The following DCHS2 variants were observed in gnomAD, a reference collection of about 807,000 sequenced individuals.
DCHS2 encodes the protein protocadherin-23.
A neutral mutation model predicts 182.4 loss-of-function variants in DCHS2; 142 were observed. The observed-to-expected ratio is 0.78, with a 90% CI of 0.68 to 0.89. DCHS2 has a LOEUF of 0.89. DCHS2 is among the 40% of genes least tolerant of loss of function. DCHS2 has a pLI of 0.00. For missense variants in DCHS2, 4,319 were observed against 4,198.6 expected, an observed-to-expected ratio of 1.03 and a Z score of -0.79; for synonymous variants, 1,740 against 1,663.3, an observed-to-expected ratio of 1.05 and a Z score of -1.12.
chr4:154,475,466 C>CT (rs553833658), intron 1 of DCHS2, among the ~76,000 whole-genome samples: 18 of 151,176 alleles, frequency 1.2e-4, no homozygotes, highest in Non-Finnish European at 1.5e-4. Flanking sequence ...ATTAGCCAGA[C>CT]TTTTTTTTTG....
chr4:154,491,602 C>T lies in DCHS2; in HGVS notation c.-247G>A, dbSNP rs1042313028. The T allele has an allele frequency of 1.0e-5, 14 of 1,336,148 alleles. No individual in the cohort carries two copies. The highest frequency in any genetic ancestry group is 1.3e-5 in the Non-Finnish European group (14 of 1,050,632). 82.8% of individuals were successfully genotyped at this position (1,336,148 alleles called of 1,614,324 possible). ...GCCGCGGCAGCCACCTCTTCTGCCC[C>T]TGGATTTCTTTAAACGAATCTCATC... is the stretch of plus-strand genomic sequence containing the variant. On this transcript the variant is annotated 5_prime_UTR_variant, in exon 1 of 20. Coordinates refer to ENST00000357232, the MANE Select transcript of DCHS2 (RefSeq NM_001358235.2).
At chr4:154,399,103 T>C (rs1442241802) in intron 1 of DCHS2, among the ~76,000 whole-genome samples, 3 of 152,224 alleles carry the variant, frequency 2.0e-5, no homozygotes, top group Non-Finnish European at 2.9e-5. Flanking sequence ...AATTTCATGA[T>C]ATCTGTCTTC....
At position 154,304,768 on chromosome 4, in the gene DCHS2, T is replaced by C; in HGVS notation, c.5506A>G (p.Ile1836Val). ...APEFIVSSYD[I>V]EVLENQEPEV... The stretch of plus-strand genomic sequence containing the variant: ...GGTTCCTGGTTTTCCAGAACCTCAA[T>C]GTCATAACTGGAAACAATAAACTCT... Residue 1836 changes from isoleucine (I) to valine (V), a missense_variant, in exon 12 of 20, where the codon ATT becomes GTT. Physicochemically the swap from Ile to Val is conservative, Grantham distance 29 (BLOSUM62 3). Coordinates refer to ENST00000357232, the MANE Select transcript of DCHS2 (RefSeq NM_001358235.2). 1 of 1,614,064 alleles carries C rather than the reference T, an allele frequency of 6.2e-7. No individual in the cohort carries two copies. Among genetic ancestry groups the C allele is most frequent in the Admixed American group, 1.7e-5 (1 of 60,012 alleles).
intron 1 of DCHS2, among the ~76,000 whole-genome samples, chr4:154,487,751 AC>A (rs1728639937): frequency 6.6e-6 from 1 of 152,200 alleles, no homozygotes; most frequent in African/African-American, 2.4e-5. Flanking sequence ...TCTTAAAACA[AC>A]CCAGGCTGAG....
intron 1 of DCHS2, among the ~76,000 whole-genome samples, chr4:154,414,252 TAGA>T (rs1732744470): frequency 6.6e-6 from 1 of 151,834 alleles, no homozygotes; most frequent in African/African-American, 2.4e-5. Flanking sequence ...TCTTTATGTT[TAGA>T]AGAAGATTCG....
chr4:154,474,369 C>A (rs1735600440), intron 1 of DCHS2, among the ~76,000 whole-genome samples: 1 of 152,200 alleles, frequency 6.6e-6, no homozygotes, highest in Non-Finnish European at 1.5e-5. Flanking sequence ...CTCCATCAGG[C>A]AGTGTGGTGT....
At chr4:154,335,254 A>G (rs1337907948) in intron 3 of DCHS2, 150 bp from the exon 4 acceptor site, 4 of 636,702 alleles carry the variant, frequency 6.3e-6, no homozygotes, top group Non-Finnish European at 1.1e-5. Context: ...ATCAAACATT[A>G]TTTTGAGTGT....
At chr4:154,240,453 A>C in intron 18 of DCHS2, 84 bp downstream of exon 18, 1 of 1,476,454 alleles carries the variant, frequency 6.8e-7, no homozygotes, top group South Asian at 1.4e-5. Flanking sequence ...TATCTGAATT[A>C]GTCTATCGGC....
intron 1 of DCHS2, among the ~76,000 whole-genome samples, chr4:154,386,428 A>C (rs1191063752): frequency 6.6e-6 from 1 of 152,004 alleles, no homozygotes; most frequent in East Asian, 1.9e-4. Flanking sequence ...CTCTTTGTAC[A>C]CCTAATCACA....
intron 1 of DCHS2, among the ~76,000 whole-genome samples, chr4:154,426,532 G>A (rs1733332422): frequency 6.6e-6 from 1 of 152,054 alleles, no homozygotes; most frequent in Admixed American, 6.6e-5. Context: ...GTCCACAAAG[G>A]GGAGAAAAAT....
intron 1 of DCHS2, among the ~76,000 whole-genome samples, chr4:154,426,931 C>T (rs190518711): frequency 7.8e-4 from 118 of 152,026 alleles, no homozygotes; most frequent in Non-Finnish European, 1.5e-3. Flanking sequence ...TCTCATGTGC[C>T]CCATAAATAT....
At chr4:154,307,441 G>GCGCA (rs1272205815) in intron 10 of DCHS2, among the ~76,000 whole-genome samples, 14 of 149,978 alleles carry the variant, frequency 9.3e-5, no homozygotes, top group African/African-American at 3.4e-4. Flanking sequence ...ATGTGCGCGC[G>GCGCA]CACACACACA....
At chr4:154,474,644 C>T (rs755472391) in intron 1 of DCHS2, among the ~76,000 whole-genome samples, 4 of 152,134 alleles carry the variant, frequency 2.6e-5, no homozygotes, top group African/African-American at 4.8e-5. Flanking sequence ...CAGTTGTTTC[C>T]GGGGAACCTG....
At chr4:154,415,727 A>C (rs553745892) in intron 1 of DCHS2, among the ~76,000 whole-genome samples, 3 of 152,294 alleles carry the variant, frequency 2.0e-5, no homozygotes, top group Admixed American at 6.5e-5. Context: ...GAGGTCGGTG[A>C]GGAAAATGAC....
chr4:154,443,160 C>T (rs1057020432), intron 1 of DCHS2, among the ~76,000 whole-genome samples: 10 of 152,234 alleles, frequency 6.6e-5, no homozygotes, highest in South Asian at 2.1e-4. Context: ...CACCCCCATG[C>T]CCAAACCCTT....
chr4:154,325,910 C>A (rs919471304), intron 7 of DCHS2, among the ~76,000 whole-genome samples: 2 of 152,228 alleles, frequency 1.3e-5, no homozygotes, highest in African/African-American at 4.8e-5. Context: ...TTTTTATCTT[C>A]TGTAAAATCC....
rs2111058060 is a variant in DCHS2, at chr4:154,490,386, C to A, written c.970G>T (p.Asp324Tyr). 3 of 1,534,174 alleles carry A rather than the reference C, an allele frequency of 2.0e-6. No individual in the cohort carries two copies. Among genetic ancestry groups the A allele is most frequent in the Non-Finnish European group, 2.6e-6 (3 of 1,144,666 alleles). The part of the protein sequence containing the change: ...EVCRVRATDR[D>Y]LGPNGFVRYS... ...CGCACGAAGCCATTGGGCCCCAGGTCGCGGTCGGTGGCGCGCACGCGACAG... is the reference window on the plus strand; with the variant it reads ...CGCACGAAGCCATTGGGCCCCAGGTAGCGGTCGGTGGCGCGCACGCGACAG... Residue 324 changes from aspartate to tyrosine, a missense_variant, in exon 1 of 20, where the codon GAC becomes TAC. Transcript: ENST00000357232.
chr4:154,370,468 T>A (rs992701052), intron 2 of DCHS2, among the ~76,000 whole-genome samples: 3 of 152,178 alleles, frequency 2.0e-5, no homozygotes, highest in African/African-American at 7.2e-5. Context: ...GAGTATTTTT[T>A]AAGATAGAGA....
chr4:154,486,605 G>A, intron 1 of DCHS2: 1 of 1,224,532 alleles, frequency 8.2e-7, no homozygotes, highest in Non-Finnish European at 1.1e-6. Context: ...GCAAAGCCAT[G>A]GAACACAGGA....
Sources: gnomAD v4.1 joint callset for allele counts (sites outside exome capture counted in the v4.1 genomes callset) on GRCh38, gnomAD v4.1.1 for gene constraint, MANE v1.5 for transcripts, NCBI Gene and HGNC (gene_info 2026-07-23, HGNC 2026-07-21) for gene names.